PDE4D: variants seen among roughly 807,000 people sequenced by gnomAD.
PDE4D encodes 3',5'-cyclic-AMP phosphodiesterase 4D.
Under a neutral mutation model 87.4 loss-of-function variants are expected in PDE4D, and 24 were observed. The observed-to-expected ratio is 0.27, with a 90% CI of 0.20 to 0.39. PDE4D has a LOEUF of 0.39. Ranked by LOEUF, PDE4D falls within the 10% of genes least tolerant of loss-of-function variation. The pLI is 1.00. For missense variants in PDE4D, 714 were observed against 1,041.0 expected, an observed-to-expected ratio of 0.69 and a Z score of 4.32; for synonymous variants, 384 against 383.2, an observed-to-expected ratio of 1.00 and a Z score of -0.02.
chr5:59,810,374 ATTTGAATT>A (rs1768215704), intron 1 of PDE4D, among the ~76,000 whole-genome samples: 2 of 152,190 alleles, frequency 1.3e-5, no homozygotes, highest in African/African-American at 4.8e-5. Context: ...ATTTTTACGT[ATTTGAATT>A]TATTTCTTCT....
intron 1 of PDE4D, among the ~76,000 whole-genome samples, chr5:59,232,717 C>T (rs1270559562): frequency 6.6e-6 from 1 of 151,910 alleles, no homozygotes; most frequent in Non-Finnish European, 1.5e-5. Flanking sequence ...AAAGGGATAC[C>T]TGAACCCCTA....
intron 1 of PDE4D, among the ~76,000 whole-genome samples, chr5:59,845,429 G>A (rs947826909): frequency 6.6e-5 from 10 of 152,068 alleles, no homozygotes; most frequent in African/African-American, 2.4e-4. Context: ...TAGAATGGCA[G>A]TTGCCTATTT....
At chr5:60,397,814 C>T (rs942930597) in intron 1 of PDE4D, among the ~76,000 whole-genome samples, 1 of 152,146 alleles carries the variant, frequency 6.6e-6, no homozygotes, top group African/African-American at 2.4e-5. Context: ...TGCTATTCTG[C>T]CTGAGCTCTC....
chr5:59,869,167 C>A (rs1003219), intron 1 of PDE4D, among the ~76,000 whole-genome samples: 27,905 of 152,102 alleles, frequency 0.18, 4,779 homozygotes, highest in African/African-American at 0.46. Context: ...TCATAAGCTG[C>A]TATGGATGAA....
At chr5:59,488,830 C>T (rs1056296272) in intron 1 of PDE4D, among the ~76,000 whole-genome samples, 1 of 151,964 alleles carries the variant, frequency 6.6e-6, no homozygotes, top group Non-Finnish European at 1.5e-5. Context: ...GGCGGTTTAG[C>T]TGGTAAGTAA....
intron 1 of PDE4D, among the ~76,000 whole-genome samples, chr5:59,452,045 A>G (rs1396276677): frequency 6.6e-6 from 1 of 152,180 alleles, no homozygotes; most frequent in Non-Finnish European, 1.5e-5. Flanking sequence ...ACTTTCTTAA[A>G]ACATTGAGAT....
chr5:60,252,737 G>C (rs547656714), intron 1 of PDE4D, among the ~76,000 whole-genome samples: 43 of 151,708 alleles, frequency 2.8e-4, no homozygotes, highest in Non-Finnish European at 5.5e-4. Flanking sequence ...GAACTGTCTA[G>C]AAGAAAATTA....
chr5:60,204,045 T>C (rs904427734), intron 1 of PDE4D, among the ~76,000 whole-genome samples: 2 of 152,200 alleles, frequency 1.3e-5, no homozygotes, highest in African/African-American at 2.4e-5. Context: ...ATTAACTGTA[T>C]ACAAAAGCAC....
At chr5:59,614,779 A>C (rs137935347) in intron 1 of PDE4D, among the ~76,000 whole-genome samples, 1 of 152,042 alleles carries the variant, frequency 6.6e-6, no homozygotes, top group African/African-American at 2.4e-5. Flanking sequence ...AAATTGATAC[A>C]TCCTCAGGCA....
chr5:59,032,495 C>T (rs1033317150), intron 6 of PDE4D, among the ~76,000 whole-genome samples: 2 of 152,232 alleles, frequency 1.3e-5, no homozygotes, highest in African/African-American at 4.8e-5. Flanking sequence ...AGGAGAATTG[C>T]TTGAACTTGG....
At chr5:59,671,425 C>T (rs980567674) in intron 1 of PDE4D, among the ~76,000 whole-genome samples, 3 of 152,048 alleles carry the variant, frequency 2.0e-5, no homozygotes, top group African/African-American at 4.8e-5. Flanking sequence ...TACAAAGTAT[C>T]ATATAGGAGT....
chr5:60,003,699 A>G (rs900254217), intron 2 of PDE4D, among the ~76,000 whole-genome samples: 3 of 141,716 alleles, frequency 2.1e-5, no homozygotes, highest in African/African-American at 8.1e-5. Flanking sequence ...ACAGAGCGAG[A>G]CTCCATCTAA....
intron 1 of PDE4D, among the ~76,000 whole-genome samples, chr5:59,326,114 T>C (rs981778162): frequency 6.6e-6 from 1 of 151,798 alleles, no homozygotes; most frequent in Non-Finnish European, 1.5e-5. Context: ...CCGGGGACTG[T>C]TGTGGGGTGG....
chr5:60,077,986 T>C (rs1773502086), intron 2 of PDE4D, among the ~76,000 whole-genome samples: 2 of 152,114 alleles, frequency 1.3e-5, no homozygotes, highest in Non-Finnish European at 2.9e-5. Context: ...GTCTTCCCTC[T>C]ATCTGCCCTC....
At chr5:59,639,705 T>C (rs564374821) in intron 1 of PDE4D, among the ~76,000 whole-genome samples, 3 of 152,250 alleles carry the variant, frequency 2.0e-5, no homozygotes, top group Admixed American at 2.0e-4. Flanking sequence ...AGTGGAAATA[T>C]ATAGCATTCC....
rs1278938328 is a variant in PDE4D at position 59,173,667 on chromosome 5, T to G, written c.808+6928A>C. ...AAAAAGCTTAATGAACACATATTTC[T>G]GGCAATTATTAAAGTGTGGCCACAA... On this transcript the variant is annotated intron_variant, in intron 5 of 14. Transcript: ENST00000340635. Among the ~76,000 whole-genome samples the G allele has an allele frequency of 2.6e-5, 4 of 152,322 alleles. No individual in the cohort carries two copies. The South Asian group carries it at 8.3e-4, about 32-fold the overall frequency.
chr5:59,143,638 G>A (rs1453007990), intron 5 of PDE4D, among the ~76,000 whole-genome samples: 1 of 152,202 alleles, frequency 6.6e-6, no homozygotes, highest in Non-Finnish European at 1.5e-5. Flanking sequence ...ATACAGTTTT[G>A]CAAAACATAG....
chr5:60,457,510 T>A (rs1312947916), intron 1 of PDE4D, among the ~76,000 whole-genome samples: 1 of 152,210 alleles, frequency 6.6e-6, no homozygotes, highest in Non-Finnish European at 1.5e-5. Flanking sequence ...TTCTGCTACC[T>A]CAGTCTTGTT....
intron 5 of PDE4D, among the ~76,000 whole-genome samples, chr5:59,096,758 C>T (rs748984213): frequency 4.6e-5 from 7 of 152,074 alleles, no homozygotes; most frequent in Non-Finnish European, 1.0e-4. Flanking sequence ...AGATACAGGA[C>T]CCATAGACAG....
Sources: allele counts gnomAD v4.1 joint callset (sites outside exome capture counted in the v4.1 genomes callset), GRCh38; gene constraint gnomAD v4.1.1; transcripts MANE v1.5; gene names NCBI Gene and HGNC (gene_info 2026-07-23, HGNC 2026-07-21).